The following SORCS3 variants were observed in gnomAD, a reference collection of about 807,000 sequenced individuals.
SORCS3 encodes the protein VPS10 domain-containing receptor SorCS3.
A neutral mutation model predicts 146.3 loss-of-function variants in SORCS3; 57 were observed. The ratio of observed to expected loss-of-function variants is 0.39; its 90% confidence interval spans 0.31 to 0.49. SORCS3 has a LOEUF of 0.49. Among genes scored for constraint, SORCS3 ranks in the 20% least tolerant of loss-of-function variants. The pLI is 0.92. For synonymous variants in SORCS3, 653 were observed against 618.5 expected (o/e 1.06, Z -0.83); for missense variants, 1,341 against 1,575.5 (o/e 0.85, Z 2.52).
chr10:104,822,393 G>A (rs912227128), intron 1 of SORCS3, among the ~76,000 whole-genome samples: 1 of 152,164 alleles, frequency 6.6e-6, no homozygotes, highest in Non-Finnish European at 1.5e-5. Context: ...CAGGACTGTG[G>A]CCATGGATTC....
At chr10:104,720,896 A>G (rs2016539986) in intron 1 of SORCS3, among the ~76,000 whole-genome samples, 1 of 152,098 alleles carries the variant, frequency 6.6e-6, no homozygotes, top group South Asian at 2.1e-4. Flanking sequence ...AGATGTATAG[A>G]TTGCAAAAAT....
At chr10:105,255,669 T>C in intron 23 of SORCS3, 33 bp from the exon 24 acceptor site, 2 of 1,467,364 alleles carry the variant, frequency 1.4e-6, no homozygotes, top group Non-Finnish European at 1.9e-6. Context: ...TTGCATGTCA[T>C]GTCACCCCAT....
intron 1 of SORCS3, among the ~76,000 whole-genome samples, chr10:104,832,058 T>C (rs1157332616): frequency 6.6e-6 from 1 of 152,226 alleles, no homozygotes; most frequent in African/African-American, 2.4e-5. Context: ...GTATTTCTTT[T>C]GCCCTTAGCA....
intron 2 of SORCS3, among the ~76,000 whole-genome samples, chr10:104,891,377 C>T (rs1473905998): frequency 6.6e-6 from 1 of 152,172 alleles, no homozygotes; most frequent in Non-Finnish European, 1.5e-5. Flanking sequence ...ATCCAGAGTT[C>T]TCTCTACTTG....
chr10:104,892,397 A>G (rs1256331798), intron 2 of SORCS3, among the ~76,000 whole-genome samples: 1 of 152,172 alleles, frequency 6.6e-6, no homozygotes, highest in Admixed American at 6.5e-5. Flanking sequence ...CTTGTCTGTA[A>G]GCTTCTACAG....
At chr10:104,746,539 C>A (rs1213151723) in intron 1 of SORCS3, among the ~76,000 whole-genome samples, 2 of 152,200 alleles carry the variant, frequency 1.3e-5, no homozygotes, top group African/African-American at 4.8e-5. Context: ...TCTATTTTAT[C>A]AATTTTGAAA....
intron 6 of SORCS3, among the ~76,000 whole-genome samples, chr10:105,101,201 A>T (rs963581707): frequency 6.6e-6 from 1 of 152,208 alleles, no homozygotes; most frequent in African/African-American, 2.4e-5. Flanking sequence ...CTATAACTGT[A>T]TTCAGCCTCA....
rs779191412 is a variant in SORCS3, at chr10:104,985,365, C to G, written c.954+7872C>G. ...TCATGATATTGCAGCAATTTAGTCA[C>G]TTCTTCAGGCTCCACTTATAATTCT... On this transcript the variant is annotated intron_variant, in intron 4 of 26. Coordinates refer to ENST00000369701, the MANE Select transcript of SORCS3 (RefSeq NM_014978.3). 3.3e-5 allele frequency among the ~76,000 whole-genome samples: 5 copies of G among 152,136 alleles called. No homozygotes were observed. In the South Asian group the frequency reaches 6.2e-4, roughly 19 times the overall value.
At chr10:104,751,925 ATATATATATATAT>A (rs2016989675) in intron 1 of SORCS3, among the ~76,000 whole-genome samples, 1 of 9,406 alleles carries the variant, frequency 1.1e-4, no homozygotes, top group Non-Finnish European at 1.7e-4. Context: ...AATAGGAAGC[ATATATATATATAT>A]ATATATATAT....
chr10:105,242,865 A>T (rs11816314), intron 20 of SORCS3, among the ~76,000 whole-genome samples: 14 of 76,212 alleles, frequency 1.8e-4, no homozygotes, highest in Non-Finnish European at 2.2e-4. Flanking sequence ...TTATATATAT[A>T]TTTTTATATA....
intron 17 of SORCS3, among the ~76,000 whole-genome samples, chr10:105,212,351 C>T (rs2056639047): frequency 6.6e-6 from 1 of 152,050 alleles, no homozygotes. Context: ...ATTGCAGATC[C>T]AACAGCATGA....
chr10:104,790,548 C>T (rs566518440), intron 1 of SORCS3, among the ~76,000 whole-genome samples: 12 of 152,074 alleles, frequency 7.9e-5, no homozygotes, highest in South Asian at 4.2e-4. Flanking sequence ...TCCAATGCTC[C>T]GGATGAAAAC....
intron 1 of SORCS3, among the ~76,000 whole-genome samples, chr10:104,813,695 A>C (rs1363758685): frequency 6.6e-6 from 1 of 152,170 alleles, no homozygotes; most frequent in African/African-American, 2.4e-5. Flanking sequence ...AAATGAGAAG[A>C]TCCCACTGAA....
At chr10:104,682,485 C>G (rs1309038390) in intron 1 of SORCS3, among the ~76,000 whole-genome samples, 1 of 152,200 alleles carries the variant, frequency 6.6e-6, no homozygotes, top group South Asian at 2.1e-4. Context: ...AGGCCTGAAC[C>G]TTATAAGTCC....
chr10:104,966,266 A>G (rs1278298637), intron 3 of SORCS3, among the ~76,000 whole-genome samples: 1 of 152,142 alleles, frequency 6.6e-6, no homozygotes, highest in Non-Finnish European at 1.5e-5. Flanking sequence ...TCGAAGAATG[A>G]ATGCTGGTAT....
chr10:104,919,270 A>C (rs2133602395), intron 3 of SORCS3, among the ~76,000 whole-genome samples: 1 of 152,198 alleles, frequency 6.6e-6, no homozygotes, highest in South Asian at 2.1e-4. Context: ...AGTGTAGTTA[A>C]CTCCCATCTG....
chr10:105,045,220 C>A (rs532135023), intron 5 of SORCS3, among the ~76,000 whole-genome samples: 1 of 152,014 alleles, frequency 6.6e-6, no homozygotes, highest in Non-Finnish European at 1.5e-5. Context: ...CAACATTTTC[C>A]TATATTTTGC....
intron 6 of SORCS3, 32 bp from the exon 7 acceptor site, chr10:105,105,365 T>C: frequency 2.1e-6 from 3 of 1,449,044 alleles, no homozygotes; most frequent in Non-Finnish European, 2.9e-6. Flanking sequence ...TTTTCACTTG[T>C]ATCTAAGCAT....
intron 22 of SORCS3, among the ~76,000 whole-genome samples, chr10:105,248,938 T>C (rs17118769): frequency 0.036 from 5,411 of 152,226 alleles, 339 homozygotes; most frequent in African/African-American, 0.12. Context: ...AGTAAGAGAA[T>C]AGGTTTATAT....
Sources: gnomAD v4.1 joint callset for allele counts (sites outside exome capture counted in the v4.1 genomes callset) on GRCh38, gnomAD v4.1.1 for gene constraint, MANE v1.5 for transcripts, NCBI Gene and HGNC (gene_info 2026-07-23, HGNC 2026-07-21) for gene names.